The following AKAP7 variants were observed in gnomAD, a reference collection of about 807,000 sequenced individuals.
AKAP7 encodes the protein A kinase (PRKA) anchor protein 7.
AKAP7 carries 39 observed loss-of-function variants against 39.5 expected under a neutral mutation model. That is an observed-to-expected ratio of 0.99 (90% CI 0.76 to 1.29). The LOEUF (loss-of-function observed/expected upper bound fraction) is 1.29, where lower values mean the gene tolerates loss of function less well. Among genes scored for constraint, AKAP7 ranks in the 50% most tolerant of loss-of-function variants. The pLI is 0.00. For missense variants in AKAP7, 414 were observed against 407.7 expected (o/e 1.02, Z -0.13); for synonymous variants, 140 against 139.1 (o/e 1.01, Z -0.05).
rs376134967 is a variant in AKAP7, at chr6:131,281,752, C to T, written c.*26C>T. On this transcript the variant is annotated 3_prime_UTR_variant, in exon 8 of 8. Coordinates refer to ENST00000431975, the MANE Select transcript of AKAP7 (RefSeq NM_016377.4). This position sits in a 1 kb window ranked among gnomAD's most constrained non-coding sequence, Gnocchi z 4.0. ...GCCCGGAACGCAGGCCCCCATGTCT[C>T]TGTGCAAAGCCTCCCTGCTTCCCTC... The T allele has an allele frequency of 2.6e-6, 4 of 1,559,382 alleles. No homozygotes were observed. In the African/African-American group the frequency reaches 4.1e-5, roughly 16 times the overall value.
At chr6:131,280,413 C>A (rs1461886281) in intron 7 of AKAP7, among the ~76,000 whole-genome samples, 1 of 152,176 alleles carries the variant, frequency 6.6e-6, no homozygotes, top group Non-Finnish European at 1.5e-5. Flanking sequence ...GGCCAGTTCT[C>A]ACCCTTGGCA....
intron 7 of AKAP7, among the ~76,000 whole-genome samples, chr6:131,265,502 A>C (rs187847273): frequency 2.0e-5 from 3 of 152,346 alleles, no homozygotes; most frequent in Admixed American, 2.0e-4. Flanking sequence ...AAAGTGGGCC[A>C]TAGAGGGGCT....
At chr6:131,178,202 GAGTC>G (rs1205175279) in intron 5 of AKAP7, among the ~76,000 whole-genome samples, 2 of 152,208 alleles carry the variant, frequency 1.3e-5, no homozygotes, top group African/African-American at 4.8e-5. Context: ...GTGAGCTTTG[GAGTC>G]AGTCAGAACC....
intron 2 of AKAP7, among the ~76,000 whole-genome samples, chr6:131,146,488 A>G (rs1801498155): frequency 6.6e-6 from 1 of 152,178 alleles, no homozygotes; most frequent in Non-Finnish European, 1.5e-5. Flanking sequence ...GTTTTATGTC[A>G]TTGTAAAAAC....
chr6:131,257,049 G>A (rs1002853909), intron 7 of AKAP7, among the ~76,000 whole-genome samples: 10 of 152,166 alleles, frequency 6.6e-5, no homozygotes, highest in Middle Eastern at 3.4e-3. Context: ...GACATTTACC[G>A]TTTAACTTCT....
At position 131,135,726 on chromosome 6, in the gene AKAP7, C is replaced by A. The variant is rs1800474007; in HGVS notation, c.-38C>A. 8.3e-7 allele frequency: 1 copy of A among 1,209,760 alleles called. No homozygotes were observed. The highest frequency in any genetic ancestry group is 1.0e-6 in the Non-Finnish European group (1 of 975,906). The allele number at this position is 1,209,760 out of a possible 1,614,324, so 74.9% of individuals were successfully genotyped here. ...GGGACGCGGCCCGCCACCGCCGCTG[C>A]CGCCAGCCCAGACGCGCCGCCCGCA... On this transcript the variant is annotated 5_prime_UTR_variant, in exon 1 of 8. Coordinates refer to ENST00000431975, the MANE Select transcript of AKAP7 (RefSeq NM_016377.4).
At chr6:131,169,788 C>T (rs1803851347) in intron 5 of AKAP7, among the ~76,000 whole-genome samples, 1 of 152,150 alleles carries the variant, frequency 6.6e-6, no homozygotes, top group Admixed American at 6.5e-5. Flanking sequence ...TATTAGCCTA[C>T]ATGCTGTGAG....
rs182933404 is a variant in AKAP7, at chr6:131,232,062, A to T, written c.850+12254A>T. 9.2e-5 allele frequency among the ~76,000 whole-genome samples: 14 copies of T among 152,300 alleles called. No homozygotes were observed. The East Asian group carries it at 2.7e-3, about 29-fold the overall frequency. ...ATTTTAACTGGTATATCAGCTGTTA[A>T]TCCGGATGCTAACACAAAGGGGCAG... is the stretch of plus-strand genomic sequence containing the variant. On this transcript the variant is annotated intron_variant, in intron 7 of 7. Coordinates refer to ENST00000431975, the MANE Select transcript of AKAP7 (RefSeq NM_016377.4).
chr6:131,153,010 G>T (rs1241033981), intron 2 of AKAP7, among the ~76,000 whole-genome samples: 1 of 151,532 alleles, frequency 6.6e-6, no homozygotes, highest in South Asian at 2.1e-4. Flanking sequence ...TGTGCCTGTA[G>T]TCCTAGCTAC....
At chr6:131,263,403 CAAGGAGA>C (rs1813523730) in intron 7 of AKAP7, among the ~76,000 whole-genome samples, 1 of 152,112 alleles carries the variant, frequency 6.6e-6, no homozygotes, top group South Asian at 2.1e-4. Flanking sequence ...GCTTGACATT[CAAGGAGA>C]ATGAGTTTCC....
Position 131,169,224 on chromosome 6 carries a change from T to C in AKAP7, c.540T>C (p.Phe180=). The C allele has an allele frequency of 6.2e-7, 1 of 1,614,132 alleles. No homozygotes were observed. The highest frequency in any genetic ancestry group is 1.7e-4 in the Middle Eastern group (1 of 6,058). ...GTACTTTTGGAAATCAGGTTGGATT[T>C]GTGAAGCTGGCAGAAGGAGATCATG... ...GIGTFGNQVG[F]VKLAEGDHVN... The change falls in exon 5 of 8, where the codon TTT becomes TTC. Residue 180 remains phenylalanine (F), a synonymous_variant. Coordinates refer to ENST00000431975, the MANE Select transcript of AKAP7 (RefSeq NM_016377.4).
intron 2 of AKAP7, among the ~76,000 whole-genome samples, chr6:131,151,147 A>G (rs960824665): frequency 1.3e-5 from 2 of 151,856 alleles, no homozygotes; most frequent in African/African-American, 2.4e-5. Flanking sequence ...GGTTCAAGCA[A>G]TTCTTCTGCC....
At chr6:131,260,675 T>G (rs1408088960) in intron 7 of AKAP7, among the ~76,000 whole-genome samples, 2 of 152,158 alleles carry the variant, frequency 1.3e-5, no homozygotes, top group Non-Finnish European at 2.9e-5. Context: ...GTAAATTTGT[T>G]TAAGTTCTTT....
Position 131,184,296 on chromosome 6 carries a change from A to G in AKAP7, c.589+15023A>G, listed in dbSNP as rs981746184. On this transcript the variant is annotated intron_variant, in intron 5 of 7. Coordinates refer to ENST00000431975, the MANE Select transcript of AKAP7 (RefSeq NM_016377.4). The stretch of plus-strand genomic sequence containing the variant: ...AAGTGGAGGAGAGAAACAGCCTTAG[A>G]TATGTCGGGGAGCAGGGGGGTGGCT... 2.1e-5 allele frequency: 12 copies of G among 566,086 alleles called. No individual in the cohort carries two copies. In the Admixed American group the frequency reaches 2.5e-4, roughly 12 times the overall value. The allele number at this position is 566,086 out of a possible 1,614,324, so 35.1% of individuals were successfully genotyped here. A position where few individuals can be genotyped will look rare whatever the true frequency, so the allele number is the denominator to read the frequency against.
At position 131,282,882 on chromosome 6, in the gene AKAP7, C is replaced by T. The variant is rs1815310928; in HGVS notation, c.*1156C>T. 1 of 284,478 alleles carries T rather than the reference C, an allele frequency of 3.5e-6. No homozygotes were observed. The highest frequency in any genetic ancestry group is 6.8e-5 in the East Asian group (1 of 14,792). The allele number at this position is 284,478 out of a possible 1,614,324, so 17.6% of individuals were successfully genotyped here. ...TTGTGAGATATTTCTCGGGTCCTTG[C>T]AGAAAAAAACATACAGACTGTGAAC... On this transcript the variant is annotated 3_prime_UTR_variant, in exon 8 of 8. Coordinates refer to ENST00000431975, the MANE Select transcript of AKAP7 (RefSeq NM_016377.4).
At chr6:131,247,269 GTATATATATA>G (rs60033504) in intron 7 of AKAP7, among the ~76,000 whole-genome samples, 1,873 of 91,738 alleles carry the variant, frequency 0.02, 59 homozygotes, top group African/African-American at 0.053. Flanking sequence ...CATTTCATAT[GTATATATATA>G]TATATATATA....
chr6:131,164,390 T>C (rs551933133), intron 3 of AKAP7: 1 of 455,630 alleles, frequency 2.2e-6, no homozygotes, highest in Admixed American at 2.3e-5. Flanking sequence ...TTCCTCTCCC[T>C]GTTTCAGAGG....
At chr6:131,198,197 C>A (rs2128279972) in intron 5 of AKAP7, among the ~76,000 whole-genome samples, 1 of 152,214 alleles carries the variant, frequency 6.6e-6, no homozygotes, top group East Asian at 1.9e-4. Context: ...GCTTTTCTCC[C>A]AACATCTACT....
chr6:131,132,398 A>G (rs1472335151), upstream of AKAP7, among the ~76,000 whole-genome samples: 1 of 151,824 alleles, frequency 6.6e-6, no homozygotes, highest in African/African-American at 2.4e-5. Context: ...GCTTTAACGA[A>G]GGTTCACCTG....
Sources: allele counts gnomAD v4.1 joint callset (sites outside exome capture counted in the v4.1 genomes callset), GRCh38; gene constraint gnomAD v4.1.1; non-coding constraint Gnocchi (gnomAD v3.1); transcripts MANE v1.5; gene names NCBI Gene and HGNC (gene_info 2026-07-23, HGNC 2026-07-21).